The following ERN1 variants were observed in gnomAD, a reference collection of about 807,000 sequenced individuals.
ERN1 encodes the protein endoplasmic reticulum to nucleus signaling 1.
Under a neutral mutation model 113.1 loss-of-function variants are expected in ERN1, and 39 were observed. That is an observed-to-expected ratio of 0.34 (90% CI 0.27 to 0.45). The LOEUF is 0.45. Ranked by LOEUF, ERN1 falls within the 20% of genes least tolerant of loss-of-function variation. ERN1 has a pLI of 1.00. For synonymous variants in ERN1, 507 were observed against 515.9 expected (o/e 0.98, Z 0.23); for missense variants, 976 against 1,274.8 (o/e 0.77, Z 3.57).
chr17:64,090,554 A>G (rs1288106008), intron 2 of ERN1, among the ~76,000 whole-genome samples: 2 of 152,230 alleles, frequency 1.3e-5, no homozygotes, highest in Admixed American at 1.3e-4. Flanking sequence ...GACACTCAAA[A>G]GTGAACAAAG....
rs1717158342 is a variant in ERN1 at position 64,043,023 on chromosome 17, C to CT, written c.*964_*965insA. On this transcript the variant is annotated 3_prime_UTR_variant, in exon 22 of 22. Transcript: ENST00000433197. ...TTGGCCACCCACCCTGGCCCTGACT[C>CT]ACCACGAGCCTCTTGTTCCACCGGC... is the stretch of plus-strand genomic sequence containing the variant. 1 of 152,370 alleles carries CT rather than the reference C, an allele frequency of 6.6e-6. No homozygotes were observed. The highest frequency in any genetic ancestry group is 2.4e-5 in the African/African-American group (1 of 41,450). 9.4% of individuals were successfully genotyped at this position (152,370 alleles called of 1,614,324 possible).
At chr17:64,101,054 C>T (rs970784093) in intron 1 of ERN1, among the ~76,000 whole-genome samples, 8 of 152,228 alleles carry the variant, frequency 5.3e-5, no homozygotes, top group South Asian at 2.1e-4. Context: ...GTTTCTGTCA[C>T]TTGCAGCCCA....
Position 64,084,235 on chromosome 17 carries a change from T to C in ERN1, c.176-3427A>G, listed in dbSNP as rs180769160. ...TTTATTAACAGTACCACCATTCTCC[T>C]AGAAGAAAGCCATGACTCAAACGAC... On this transcript the variant is annotated intron_variant, in intron 2 of 21. Transcript: ENST00000433197. Among the ~76,000 whole-genome samples, 575 of 152,274 alleles carry C rather than the reference T, an allele frequency of 3.8e-3. 9 individuals carry two copies. Among genetic ancestry groups the C allele is most frequent in the Non-Finnish European group, 4.3e-3 (293 of 68,020 alleles).
At position 64,057,811 on chromosome 17, in the gene ERN1, G is replaced by A. The variant is rs1912920807; in HGVS notation, c.1389C>T (p.Thr463=). 6.2e-7 allele frequency: 1 copy of A among 1,613,606 alleles called. No individual in the cohort carries two copies. The highest frequency in any genetic ancestry group is 8.5e-7 in the Non-Finnish European group (1 of 1,179,802). The change falls in exon 12 of 22, where the codon ACC becomes ACT. Residue 463 remains threonine (T), a synonymous_variant. Transcript: ENST00000433197. ...AATTGTTGAGCTTTACCAGGGGATAGGTGATGATGAAGGCCACCCAGCCAA... is the reference window on the plus strand; with the variant it reads ...AATTGTTGAGCTTTACCAGGGGATAAGTGATGATGAAGGCCACCCAGCCAA... ...LLIGWVAFII[T]YPLSMHQQQQ...
intron 2 of ERN1, among the ~76,000 whole-genome samples, chr17:64,083,351 TTTTGA>T (rs2143418019): frequency 1.3e-5 from 2 of 152,134 alleles, no homozygotes; most frequent in East Asian, 1.9e-4. Context: ...GAAAAAGTGG[TTTTGA>T]TTTAATAATG....
At chr17:64,111,649 G>A (rs567015795) in intron 1 of ERN1, among the ~76,000 whole-genome samples, 3 of 152,168 alleles carry the variant, frequency 2.0e-5, no homozygotes, top group South Asian at 2.1e-4. Flanking sequence ...GAGCCATCGC[G>A]CCCGGCCAGG....
At chr17:64,058,991 T>C (rs1490654927) in intron 11 of ERN1, among the ~76,000 whole-genome samples, 2 of 152,196 alleles carry the variant, frequency 1.3e-5, no homozygotes, top group African/African-American at 4.8e-5. Context: ...GAGAGTATTT[T>C]AAAACATACT....
intron 1 of ERN1, among the ~76,000 whole-genome samples, chr17:64,123,817 TA>T (rs1915012166): frequency 6.6e-6 from 1 of 152,218 alleles, no homozygotes; most frequent in African/African-American, 2.4e-5. Context: ...CCTCAATATC[TA>T]AATGATTGAG....
intron 1 of ERN1, among the ~76,000 whole-genome samples, chr17:64,111,155 T>C (rs1385330717): frequency 6.6e-6 from 1 of 152,204 alleles, no homozygotes; most frequent in East Asian, 1.9e-4. Context: ...AAAAGTTTGT[T>C]TTTATTTTTT....
At position 64,043,997 on chromosome 17, in the gene ERN1, G is replaced by A. The variant is rs368375095; in HGVS notation, c.2925C>T (p.Asp975=). 3.5e-5 allele frequency: 57 copies of A among 1,609,638 alleles called. No homozygotes were observed. Among genetic ancestry groups the A allele is most frequent in the Middle Eastern group, 1.7e-4 (1 of 6,006 alleles). Residue 975 remains aspartate, a synonymous_variant, in exon 22 of 22, where the codon GAC becomes GAT. Transcript: ENST00000433197. ...PPEPQPPVTP[D]AL is the part of the protein sequence containing the mutation. Reference sequence around the variant, plus strand: ...GAGGGGCCGCCCTCGCTCAGAGGGCGTCTGGAGTCACTGGGGGCTGGGGCT... The same window carrying A: ...GAGGGGCCGCCCTCGCTCAGAGGGCATCTGGAGTCACTGGGGGCTGGGGCT...
chr17:64,090,389 G>A (rs1044386001), intron 2 of ERN1, among the ~76,000 whole-genome samples: 2 of 152,070 alleles, frequency 1.3e-5, no homozygotes, highest in African/African-American at 4.8e-5. Context: ...TCTCTACTTT[G>A]GCAGAAGTAA....
chr17:64,072,160 C>T, intron 5 of ERN1, 57 bp from the exon 6 acceptor site: 5 of 1,592,398 alleles, frequency 3.1e-6, no homozygotes, highest in Non-Finnish European at 4.3e-6. Flanking sequence ...AGTATCGCTG[C>T]CAAACTAGCA....
intron 2 of ERN1, among the ~76,000 whole-genome samples, chr17:64,089,318 C>CAAAA (rs34094164): frequency 1.7e-4 from 4 of 24,236 alleles, no homozygotes; most frequent in Non-Finnish European, 2.2e-4. Flanking sequence ...GAATCCATCT[C>CAAAA]AAAAAAAAAA....
chr17:64,044,253 A>G lies in ERN1; in HGVS notation c.2722-53T>C. 1 of 1,291,972 alleles carries G rather than the reference A, an allele frequency of 7.7e-7. No individual in the cohort carries two copies. The allele number at this position is 1,291,972 out of a possible 1,614,324, so 80.0% of individuals were successfully genotyped here. ...TTAGAAAGGGGTTAGAAAGCTCGGGAAATGTTGGCAAAACACCCTTTCATC... is the reference window on the plus strand; with the variant it reads ...TTAGAAAGGGGTTAGAAAGCTCGGGGAATGTTGGCAAAACACCCTTTCATC... On this transcript the variant is annotated intron_variant, in intron 21 of 21. Coordinates refer to ENST00000433197, the MANE Select transcript of ERN1 (RefSeq NM_001433.5). This position sits in a 1 kb window ranked among gnomAD's most constrained non-coding sequence, Gnocchi z 4.1.
chr17:64,097,660 A>G (rs149987791), intron 2 of ERN1, among the ~76,000 whole-genome samples: 1 of 152,340 alleles, frequency 6.6e-6, no homozygotes, highest in East Asian at 1.9e-4. Context: ...TAACAACCCA[A>G]TAAAGTGGTT....
intron 2 of ERN1, among the ~76,000 whole-genome samples, chr17:64,095,889 T>C (rs569787646): frequency 6.6e-6 from 1 of 152,244 alleles, no homozygotes; most frequent in South Asian, 2.1e-4. Context: ...TTCACCAGGG[T>C]TTACCTCTGA....
In ERN1 at chr17:64,043,916, A is replaced by T. The variant is rs1483667654; in HGVS notation, c.*72T>A. ...TGGTCTCCCTGCAAAGCCGGGAGGC[A>T]TCAAGCTCTAATTGTGGTGACCAGG... On this transcript the variant is annotated 3_prime_UTR_variant, in exon 22 of 22. Transcript: ENST00000433197. 1 of 1,082,100 alleles carries T rather than the reference A, an allele frequency of 9.2e-7. No homozygotes were observed. Among genetic ancestry groups the T allele is most frequent in the Non-Finnish European group, 1.4e-6 (1 of 737,082 alleles). The allele number at this position is 1,082,100 out of a possible 1,614,324, so 67.0% of individuals were successfully genotyped here.
chr17:64,074,744 C>T (rs181544282), intron 5 of ERN1, among the ~76,000 whole-genome samples: 34 of 152,312 alleles, frequency 2.2e-4, no homozygotes, highest in Admixed American at 2.2e-3. Context: ...GGTATGAAGG[C>T]AGTTTATCTA....
intron 2 of ERN1, among the ~76,000 whole-genome samples, chr17:64,087,318 C>T (rs1302416873): frequency 6.6e-6 from 1 of 152,224 alleles, no homozygotes; most frequent in African/African-American, 2.4e-5. Context: ...CCAACACTTG[C>T]AAATCCTCCG....
Sources: gnomAD v4.1 joint callset for allele counts (sites outside exome capture counted in the v4.1 genomes callset) on GRCh38, gnomAD v4.1.1 for gene constraint, Gnocchi (gnomAD v3.1) non-coding constraint, MANE v1.5 for transcripts, NCBI Gene and HGNC (gene_info 2026-07-23, HGNC 2026-07-21) for gene names.